The following FAM117A variants were observed in gnomAD, a reference collection of about 807,000 sequenced individuals.
FAM117A encodes the protein protein FAM117A.
FAM117A carries 21 observed loss-of-function variants against 44.1 expected under a neutral mutation model. That is an observed-to-expected ratio of 0.48 (90% confidence interval 0.34 to 0.69). The LOEUF is 0.69. Among genes scored for constraint, FAM117A ranks in the 30% least tolerant of loss-of-function variants. The pLI is 0.01. For synonymous variants in FAM117A, 220 were observed against 238.3 expected, an observed-to-expected ratio of 0.92 and a Z score of 0.71; for missense variants, 498 against 589.9, an observed-to-expected ratio of 0.84 and a Z score of 1.61.
chr17:49,717,767 G>C (rs2073512196), intron 5 of FAM117A, 53 bp from the exon 6 acceptor site: 3 of 1,441,058 alleles, frequency 2.1e-6, no homozygotes, highest in Middle Eastern at 3.8e-4. Flanking sequence ...CAGGCCTGCA[G>C]CAGCACAGTG....
At chr17:49,762,036 C>A (rs1332980580) in intron 1 of FAM117A, among the ~76,000 whole-genome samples, 1 of 152,200 alleles carries the variant, frequency 6.6e-6, no homozygotes, top group African/African-American at 2.4e-5. Context: ...TACATTTCTA[C>A]CAGTATCCCA....
chr17:49,777,032 C>T (rs1349074558), intron 1 of FAM117A, among the ~76,000 whole-genome samples: 3 of 152,344 alleles, frequency 2.0e-5, no homozygotes, highest in Middle Eastern at 3.4e-3. Flanking sequence ...ACTGTGCTCT[C>T]CATTGCCAGA....
chr17:49,773,874 C>T (rs2073768574), intron 1 of FAM117A, among the ~76,000 whole-genome samples: 1 of 152,148 alleles, frequency 6.6e-6, no homozygotes, highest in Non-Finnish European at 1.5e-5. Flanking sequence ...CTGCCTCAGC[C>T]TCCCGAATAG....
intron 1 of FAM117A, among the ~76,000 whole-genome samples, chr17:49,751,279 C>CAAAAAA (rs746063068): frequency 2.3e-5 from 1 of 42,558 alleles, no homozygotes; most frequent in African/African-American, 9.2e-5. Context: ...AATCTGTCTC[C>CAAAAAA]AAAAAAAAAA....
intron 1 of FAM117A, among the ~76,000 whole-genome samples, chr17:49,770,221 G>A (rs1415964511): frequency 7.3e-6 from 1 of 137,110 alleles, no homozygotes; most frequent in African/African-American, 2.7e-5. Context: ...CGTGAGCTGA[G>A]ATCGCGCCAC....
chr17:49,720,407 C>G lies in FAM117A; in HGVS notation c.492G>C (p.Arg164Ser). ...EISKLKQQLQ[R>S]TKLSRSGKEK... ...CTTTCCCACTGCGGCTCAGCTTCGT[C>G]CTCTGCAGTTGTTGCTTCAACTTGG... Residue 164 changes from arginine (R) to serine (S), a missense_variant, in exon 4 of 8, where the codon AGG becomes AGC. By Grantham distance (110) the Arg-to-Ser change is moderately radical. This residue lies in a region of FAM117A where 270 missense variants were observed against 277.4 expected (regional missense o/e 0.97). Transcript: ENST00000240364. 6.2e-7 allele frequency: 1 copy of G among 1,613,684 alleles called. No homozygotes were observed. Among genetic ancestry groups the G allele is most frequent in the South Asian group, 1.1e-5 (1 of 91,086 alleles).
intron 1 of FAM117A, among the ~76,000 whole-genome samples, chr17:49,758,058 G>T (rs915904907): frequency 2.6e-5 from 4 of 152,214 alleles, no homozygotes; most frequent in Admixed American, 6.5e-5. Flanking sequence ...GCCAGGTGTG[G>T]TGGCTCACGC....
chr17:49,774,399 A>G (rs1339761694), intron 1 of FAM117A, among the ~76,000 whole-genome samples: 1 of 146,380 alleles, frequency 6.8e-6, no homozygotes, highest in East Asian at 2.0e-4. Context: ...TCGCTCTGTC[A>G]TGCAGGCTGG....
intron 7 of FAM117A, 78 bp downstream of exon 7, chr17:49,716,087 G>C (rs1291157554): frequency 6.6e-7 from 1 of 1,512,372 alleles, no homozygotes; most frequent in South Asian, 1.2e-5. Flanking sequence ...TATGACAAGA[G>C]AGAGTCCAAG....
At chr17:49,718,230 G>A (rs2073514477) in intron 5 of FAM117A, among the ~76,000 whole-genome samples, 1 of 152,234 alleles carries the variant, frequency 6.6e-6, no homozygotes, top group African/African-American at 2.4e-5. Context: ...TTATGTGCAT[G>A]TGTTTGGGTA....
In FAM117A at chr17:49,763,959, C is replaced by A; in HGVS notation, c.129G>T (p.Pro43=). 4 of 1,232,574 alleles carry A rather than the reference C, an allele frequency of 3.2e-6. No homozygotes were observed. The highest frequency in any genetic ancestry group is 4.0e-6 in the Non-Finnish European group (4 of 988,790). 76.4% of individuals were successfully genotyped at this position (1,232,574 alleles called of 1,614,324 possible). The change falls in exon 1 of 8, where the codon CCG becomes CCT. Residue 43 remains proline, a synonymous_variant. Transcript: ENST00000240364. ...PAGSPRAGLQ[P]LRATIPFQLQ... is the part of the protein sequence containing the mutation. ...GCTGGAAGGGGATCGTGGCCCTGAG[C>A]GGCTGCAGCCCAGCCCGGGGGGAGC...
chr17:49,719,438 G>A (rs1472393390), intron 5 of FAM117A, among the ~76,000 whole-genome samples: 2 of 152,280 alleles, frequency 1.3e-5, no homozygotes, highest in Middle Eastern at 3.4e-3. Flanking sequence ...TGCCGGTGCC[G>A]AGCACACGGG....
intron 3 of FAM117A, 107 bp from the exon 4 acceptor site, chr17:49,720,543 CAAG>C (rs1312144182): frequency 2.6e-6 from 2 of 773,454 alleles, no homozygotes; most frequent in African/African-American, 3.5e-5. Context: ...AAGATATATA[CAAG>C]GAGGATGGAA....
intron 1 of FAM117A, among the ~76,000 whole-genome samples, chr17:49,757,979 T>A (rs1050567722): frequency 6.6e-6 from 1 of 152,216 alleles, no homozygotes; most frequent in Admixed American, 6.5e-5. Flanking sequence ...CTAGTGAGCA[T>A]CTACCTTTGC....
At chr17:49,751,677 C>T (rs2073678149) in intron 1 of FAM117A, among the ~76,000 whole-genome samples, 1 of 152,116 alleles carries the variant, frequency 6.6e-6, no homozygotes, top group African/African-American at 2.4e-5. Flanking sequence ...CGCACAGTGG[C>T]TCACGTCTGT....
rs1427632302 is a variant in FAM117A at position 49,724,414 on chromosome 17, G to GA, written c.367-1821dup. On this transcript the variant is annotated intron_variant, in intron 2 of 7. Coordinates refer to ENST00000240364, the MANE Select transcript of FAM117A (RefSeq NM_030802.4). ...CTCACAGGTGGGTGGTAACAGAGAG[G>GA]AAAAAACAGCCACATTCAGGCCGCC... 2.0e-5 allele frequency: 9 copies of GA among 456,270 alleles called. No individual in the cohort carries two copies. In the East Asian group the frequency reaches 4.2e-4, roughly 21 times the overall value. The allele number at this position is 456,270 out of a possible 1,614,324, so 28.3% of individuals were successfully genotyped here.
chr17:49,782,499 G>A lies in FAM117A; in HGVS notation c.-621+5998C>T, dbSNP rs568396979. On this transcript the variant is annotated intron_variant, in intron 1 of 7. Transcript: ENST00000513602. ...GAGACCACGAGTTTGAGACCAGCCC[G>A]GGCAACATGGTGAAATGCTGTCTCT... 8.6e-5 allele frequency among the ~76,000 whole-genome samples: 13 copies of A among 151,098 alleles called. No individual in the cohort carries two copies. In the South Asian group the frequency reaches 1.5e-3, roughly 17 times the overall value.
chr17:49,730,041 A>G (rs2073578135), intron 2 of FAM117A, among the ~76,000 whole-genome samples: 1 of 152,212 alleles, frequency 6.6e-6, no homozygotes, highest in South Asian at 2.1e-4. Flanking sequence ...TGAAGAGGGT[A>G]GCTTGGACCA....
intron 1 of FAM117A, among the ~76,000 whole-genome samples, chr17:49,757,401 G>A (rs532793121): frequency 6.6e-6 from 1 of 152,326 alleles, no homozygotes; most frequent in African/African-American, 2.4e-5. Flanking sequence ...CTCCCACACA[G>A]TAAGGGTCGA....
Sources: allele counts gnomAD v4.1 joint callset (sites outside exome capture counted in the v4.1 genomes callset), GRCh38; gene constraint gnomAD v4.1.1; regional missense constraint gnomAD v4.1.1; transcripts MANE v1.5; gene names NCBI Gene and HGNC (gene_info 2026-07-23, HGNC 2026-07-21).